The following FNDC1 variants were observed in gnomAD, a reference collection of about 807,000 sequenced individuals.
FNDC1 encodes the protein fibronectin type III domain-containing protein 1.
A neutral mutation model predicts 168.0 loss-of-function variants in FNDC1; 96 were observed. The ratio of observed to expected loss-of-function variants is 0.57; its 90% CI spans 0.48 to 0.68. The LOEUF (loss-of-function observed/expected upper bound fraction) is 0.68, where lower values mean the gene tolerates loss of function less well. Among genes scored for constraint, FNDC1 ranks in the 30% least tolerant of loss-of-function variants. The pLI is 0.00. For missense variants in FNDC1, 2,587 were observed against 2,482.1 expected (o/e 1.04, Z -0.90); for synonymous variants, 1,099 against 1,025.9 (o/e 1.07, Z -1.36).
At chr6:159,231,549 A>G (rs1397080684) in intron 10 of FNDC1, among the ~76,000 whole-genome samples, 2 of 152,242 alleles carry the variant, frequency 1.3e-5, no homozygotes, top group Non-Finnish European at 2.9e-5. Flanking sequence ...AAAATCCTAT[A>G]TAAGATTTTG....
At chr6:159,172,446 A>G (rs1781682443) in intron 1 of FNDC1, among the ~76,000 whole-genome samples, 1 of 152,246 alleles carries the variant, frequency 6.6e-6, no homozygotes, top group Admixed American at 6.5e-5. Context: ...TTCAAGTGAA[A>G]ATCAGAATTT....
chr6:159,236,284 G>A lies in FNDC1; in HGVS notation c.4037G>A (p.Arg1346Lys), dbSNP rs1299996578. ...AGTAATGGAAAACCGAATGGACAGA[G>A]AATTATCAATGGCCCTCAAGGAACA... ...PGSNGKPNGQ[R>K]IINGPQGTKW... The change falls in exon 12 of 23, where the codon AGA becomes AAA. Residue 1346 changes from arginine (R) to lysine (K), a missense_variant. By Grantham distance (26) the Arg-to-Lys change is conservative (BLOSUM62 2). Transcript: ENST00000297267. 6.2e-7 allele frequency: 1 copy of A among 1,613,564 alleles called. No homozygotes were observed. The highest frequency in any genetic ancestry group is 1.3e-5 in the African/African-American group (1 of 74,926).
intron 22 of FNDC1, among the ~76,000 whole-genome samples, chr6:159,269,493 T>TCTAA (rs1554229934): frequency 3.6e-4 from 50 of 140,410 alleles, no homozygotes; most frequent in African/African-American, 1.4e-3. Context: ...TATCTATCTA[T>TCTAA]CTATCTATCC....
chr6:159,254,640 G>A (rs1351410229), intron 17 of FNDC1, among the ~76,000 whole-genome samples: 1 of 151,204 alleles, frequency 6.6e-6, no homozygotes, highest in African/African-American at 2.4e-5. Flanking sequence ...CCCGGGAGGT[G>A]GAGCTTGCAA....
chr6:159,195,871 G>A (rs1046058501), intron 1 of FNDC1, among the ~76,000 whole-genome samples: 3 of 152,156 alleles, frequency 2.0e-5, no homozygotes, highest in African/African-American at 7.2e-5. Flanking sequence ...GTAAAGAAAA[G>A]TGCGATATGT....
intron 12 of FNDC1, among the ~76,000 whole-genome samples, 189 bp from the exon 13 acceptor site, chr6:159,238,365 G>A (rs986724967): frequency 4.6e-5 from 7 of 152,124 alleles, no homozygotes; most frequent in Admixed American, 2.0e-4. Context: ...GATTACAAGC[G>A]TGAGCCACCG....
chr6:159,196,515 C>T (rs923622368), intron 1 of FNDC1, among the ~76,000 whole-genome samples: 1 of 152,114 alleles, frequency 6.6e-6, no homozygotes, highest in African/African-American at 2.4e-5. Context: ...TTTCTTCTTC[C>T]CTGAGACTCC....
At chr6:159,209,827 A>T (rs1362805453) in intron 4 of FNDC1, among the ~76,000 whole-genome samples, 1 of 151,502 alleles carries the variant, frequency 6.6e-6, no homozygotes, top group Non-Finnish European at 1.5e-5. Context: ...TGCTTTTAAG[A>T]CCTCTTCTTC....
At chr6:159,182,663 C>T (rs1419022723) in intron 1 of FNDC1, among the ~76,000 whole-genome samples, 1 of 152,200 alleles carries the variant, frequency 6.6e-6, no homozygotes, top group African/African-American at 2.4e-5. Context: ...TTACATATCT[C>T]CAAATTAATT....
chr6:159,225,815 G>T (rs991968663), intron 8 of FNDC1, 93 bp downstream of exon 8: 54 of 1,114,838 alleles, frequency 4.8e-5, no homozygotes, highest in Middle Eastern at 2.1e-4. Context: ...AGTGACAAAG[G>T]CCAGCGTGGG....
rs1377565280 is a variant in FNDC1, at chr6:159,239,798, A to G, written c.4462A>G (p.Thr1488Ala). ...TTRRTTTRRP[T>A]TTVRTTTRTT... ...CCGCCGCACGACCACCAGGCGTCCA[A>G]CAACCACAGTCCGAACCACTACGCG... The change falls in exon 14 of 23, where the codon ACA (threonine) becomes GCA (alanine). Residue 1488 changes from threonine (T) to alanine (A), a missense_variant. Coordinates refer to ENST00000297267, the MANE Select transcript of FNDC1 (RefSeq NM_032532.3). The G allele has an allele frequency of 2.6e-6, 4 of 1,546,874 alleles. No homozygotes were observed. In the South Asian group the frequency reaches 4.8e-5, roughly 18 times the overall value.
intron 10 of FNDC1, 103 bp from the exon 11 acceptor site, chr6:159,231,779 T>C (rs1783087422): frequency 1.1e-6 from 1 of 892,790 alleles, no homozygotes. Flanking sequence ...TTATGACTAC[T>C]GATTTGAAAT....
chr6:159,215,171 G>A lies in FNDC1; in HGVS notation c.667+20G>A, dbSNP rs1782685494. 4 of 1,594,580 alleles carry A rather than the reference G, an allele frequency of 2.5e-6. No homozygotes were observed. In the African/African-American group the frequency reaches 4.0e-5, roughly 16 times the overall value. On this transcript the variant is annotated intron_variant, in intron 5 of 22. Transcript: ENST00000297267. ...AGCTAGGTGAGTTTCATATTCATTG[G>A]TATTCAATGTTTCCATGGTCTTTGG...
intron 12 of FNDC1, among the ~76,000 whole-genome samples, chr6:159,237,479 T>C (rs1783288430): frequency 6.6e-6 from 1 of 152,232 alleles, no homozygotes; most frequent in Non-Finnish European, 1.5e-5. Context: ...TTAATAGAGA[T>C]AATTATAGCT....
chr6:159,232,508 C>T lies in FNDC1; in HGVS notation c.1996C>T (p.Pro666Ser), dbSNP rs566516691. 6.2e-6 allele frequency: 10 copies of T among 1,612,112 alleles called. No homozygotes were observed. The highest frequency in any genetic ancestry group is 8.5e-6 in the Non-Finnish European group (10 of 1,179,196). The change falls in exon 11 of 23, where the codon CCC (proline) becomes TCC (serine). Residue 666 changes from proline (P) to serine (S), a missense_variant. Pro to Ser is a moderately conservative substitution (Grantham distance 74). Transcript: ENST00000297267. The surrounding 1 kb of genome is among the most constrained non-coding windows in gnomAD (Gnocchi z 4.9). ...CCACCCCAAGGGCGCCTTCGCCCAG[C>T]CCCGGCCAGCCCTGTCCCCCAGCCG... ...SLHPKGAFAQ[P>S]RPALSPSRQS... is the part of the protein sequence containing the mutation.
intron 9 of FNDC1, among the ~76,000 whole-genome samples, chr6:159,228,783 C>A (rs1783012877): frequency 6.6e-6 from 1 of 152,132 alleles, no homozygotes; most frequent in Non-Finnish European, 1.5e-5. Flanking sequence ...CCAAGTGATT[C>A]TCCTGCCTCA....
Position 159,246,957 on chromosome 6 carries a change from A to G in FNDC1, c.4678A>G (p.Ile1560Val), listed in dbSNP as rs1777149925. 1.9e-6 allele frequency: 3 copies of G among 1,610,590 alleles called. No homozygotes were observed. Among genetic ancestry groups the G allele is most frequent in the South Asian group, 2.2e-5 (2 of 91,010 alleles). Reference protein sequence around the residue: ...TAVPTEEAYVIYDEDYEFETS... With the variant: ...TAVPTEEAYVVYDEDYEFETS... The stretch of plus-strand genomic sequence containing the variant: ...AGTACCTACGGAAGAGGCCTACGTT[A>G]TATATGATGAAGGTACAAACTGGCT... The change falls in exon 15 of 23, where the codon ATA becomes GTA. Residue 1560 changes from isoleucine (I) to valine (V), a missense_variant. Physicochemically the swap from Ile to Val is conservative, Grantham distance 29 (BLOSUM62 3). Coordinates refer to ENST00000297267, the MANE Select transcript of FNDC1 (RefSeq NM_032532.3).
intron 14 of FNDC1, among the ~76,000 whole-genome samples, chr6:159,246,074 G>A (rs1010232686): frequency 3.5e-4 from 53 of 152,106 alleles, no homozygotes; most frequent in Admixed American, 1.8e-3. Flanking sequence ...AATTTTAATA[G>A]TTCTTCTAAC....
chr6:159,265,741 A>C, intron 20 of FNDC1, among the ~76,000 whole-genome samples: 1 of 152,126 alleles, frequency 6.6e-6, no homozygotes, highest in East Asian at 1.9e-4. Context: ...CAGCCTGACC[A>C]ATGTGGTGAA....
Sources: allele counts gnomAD v4.1 joint callset (sites outside exome capture counted in the v4.1 genomes callset), GRCh38; gene constraint gnomAD v4.1.1; non-coding constraint Gnocchi (gnomAD v3.1); transcripts MANE v1.5; gene names NCBI Gene and HGNC (gene_info 2026-07-23, HGNC 2026-07-21).